CACNA1G: variants seen among roughly 807,000 people sequenced by gnomAD.
The protein encoded by CACNA1G is voltage-dependent T-type calcium channel subunit alpha-1G.
A neutral mutation model predicts 219.4 loss-of-function variants in CACNA1G; 67 were observed. That is an observed-to-expected ratio of 0.31 (90% CI 0.25 to 0.37). The LOEUF is 0.37. Ranked by LOEUF, CACNA1G falls within the 10% of genes least tolerant of loss-of-function variation. The probability of loss-of-function intolerance (pLI) is 1.00; values close to 1 mark genes in which losing one functional copy is unlikely to be tolerated. For missense variants in CACNA1G, 2,380 were observed against 3,231.4 expected, an observed-to-expected ratio of 0.74 and a Z score of 6.39; for synonymous variants, 1,296 against 1,345.3, an observed-to-expected ratio of 0.96 and a Z score of 0.80.
chr17:50,604,123 A>G, intron 21 of CACNA1G, 32 bp from the exon 22 acceptor site: 1 of 1,604,422 alleles, frequency 6.2e-7, no homozygotes, highest in Non-Finnish European at 8.5e-7. Context: ...GGCTGGGGGA[A>G]GCCTTATCAC....
In CACNA1G at chr17:50,604,232, T is replaced by C; in HGVS notation, c.4247T>C (p.Val1416Ala). Residue 1416 changes from valine (V) to alanine (A), a missense_variant, in exon 22 of 38, where the codon GTA becomes GCA. This residue lies in a region of CACNA1G where 153 missense variants were observed against 374.9 expected (regional missense o/e 0.41). Coordinates refer to ENST00000359106, the MANE Select transcript of CACNA1G (RefSeq NM_018896.5). ...MSSLKPIGNI[V>A]VICCAFFIIF... ...TCACTGAAACCCATCGGCAACATTG[T>C]AGTCATCTGCTGTGCCTTCTTCATC... The C allele has an allele frequency of 1.2e-6, 2 of 1,613,842 alleles. No individual in the cohort carries two copies. Among genetic ancestry groups the C allele is most frequent in the Non-Finnish European group, 1.7e-6 (2 of 1,179,768 alleles).
At chr17:50,616,414 T>A in intron 28 of CACNA1G, 30 bp downstream of exon 28, 1 of 1,309,356 alleles carries the variant, frequency 7.6e-7, no homozygotes, top group Middle Eastern at 1.8e-4. Context: ...TCTTGGGGAC[T>A]TGCGTAGAGA....
At chr17:50,587,514 C>T (rs989295856) in intron 9 of CACNA1G, among the ~76,000 whole-genome samples, 4 of 152,228 alleles carry the variant, frequency 2.6e-5, no homozygotes, top group African/African-American at 7.2e-5. Context: ...AGATCGTTCC[C>T]AGCCTCCAAT....
Position 50,624,733 on chromosome 17 carries a change from G to T in CACNA1G, c.6399+204G>T, listed in dbSNP as rs12601390. On this transcript the variant is annotated intron_variant, in intron 37 of 37. Transcript: ENST00000359106. ...TCTTGAAATTTGCACCCAGTTCCTT[G>T]TTCCACTGAGGAGGCCTGGAGACCA... Among the ~76,000 whole-genome samples the T allele has an allele frequency of 0.05, 7,676 of 152,306 alleles. 294 individuals carry two copies. Among genetic ancestry groups the T allele is most frequent in the African/African-American group, 0.096 (3,987 of 41,566 alleles).
chr17:50,589,918 G>C (rs35883185), intron 9 of CACNA1G, among the ~76,000 whole-genome samples: 3,967 of 80,980 alleles, frequency 0.049, 73 homozygotes, highest in South Asian at 0.19. Flanking sequence ...CTCTCTGTGT[G>C]TGTGTGTGTG....
intron 13 of CACNA1G, 45 bp from the exon 14 acceptor site, chr17:50,594,948 C>T (rs757845900): frequency 1.5e-5 from 22 of 1,464,876 alleles, no homozygotes; most frequent in Middle Eastern, 3.4e-4. Context: ...AGGCCCCGAG[C>T]GCCTGTGACC....
chr17:50,624,606 T>G, intron 37 of CACNA1G, 77 bp downstream of exon 37: 1 of 1,317,576 alleles, frequency 7.6e-7, no homozygotes, highest in African/African-American at 1.5e-5. Flanking sequence ...TGTTGACACT[T>G]TCATTCTTCC....
chr17:50,599,380 G>A lies in CACNA1G; in HGVS notation c.3259-48G>A, dbSNP rs764230685. The A allele has an allele frequency of 4.1e-6, 6 of 1,470,656 alleles. No homozygotes were observed. In the East Asian group the frequency reaches 1.5e-4, roughly 36 times the overall value. The allele number at this position is 1,470,656 out of a possible 1,614,324, so 91.1% of individuals were successfully genotyped here. A position where few individuals can be genotyped will look rare whatever the true frequency, so the allele number is the denominator to read the frequency against. Reference sequence around the variant, plus strand: ...GAGACCGGGTGCACATGAGAGGACAGGGCTGCTGGGCCCTGCCTGAGACCA... The same window carrying A: ...GAGACCGGGTGCACATGAGAGGACAAGGCTGCTGGGCCCTGCCTGAGACCA... On this transcript the variant is annotated intron_variant, in intron 16 of 37. Transcript: ENST00000359106.
intron 25 of CACNA1G, among the ~76,000 whole-genome samples, chr17:50,609,574 T>C (rs1294576583): frequency 6.6e-6 from 1 of 152,134 alleles, no homozygotes; most frequent in Non-Finnish European, 1.5e-5. Flanking sequence ...CTGGGGTCTG[T>C]AGCTGTCTCA....
At chr17:50,595,695 G>A (rs868101184) in intron 14 of CACNA1G, among the ~76,000 whole-genome samples, 51 of 152,278 alleles carry the variant, frequency 3.3e-4, no homozygotes, top group African/African-American at 1.2e-3. Flanking sequence ...GTGCTCTGCT[G>A]TTCCCTGCCC....
chr17:50,566,896 G>A (rs1365747440), intron 1 of CACNA1G, among the ~76,000 whole-genome samples: 2 of 152,174 alleles, frequency 1.3e-5, no homozygotes, highest in African/African-American at 4.8e-5. Flanking sequence ...CCATTAGAGG[G>A]GTCCAAGCAG....
In CACNA1G at chr17:50,565,386, G is replaced by GGT. The variant is rs199747975; in HGVS notation, c.243-3484_243-3483insGT. On this transcript the variant is annotated intron_variant, in intron 1 of 37. Coordinates refer to ENST00000359106, the MANE Select transcript of CACNA1G (RefSeq NM_018896.5). ...CAGGGAAATAGGCTTGTGGGGTGGG[G>GGT]CGGGGGGTTCTGCTGGGGGAATCCC... is the stretch of plus-strand genomic sequence containing the variant. 2.4e-4 allele frequency among the ~76,000 whole-genome samples: 35 copies of GGT among 143,276 alleles called. 2 individuals carry two copies. In the East Asian group the frequency reaches 7.3e-3, roughly 30 times the overall value. 94.0% of individuals were successfully genotyped at this position (143,276 alleles called of 152,430 possible).
chr17:50,588,242 C>G (rs1443049390), intron 9 of CACNA1G, among the ~76,000 whole-genome samples: 2 of 152,088 alleles, frequency 1.3e-5, no homozygotes, highest in African/African-American at 4.8e-5. Context: ...TATCTGGATT[C>G]ACAAGCCCCT....
chr17:50,622,166 T>TCCCCCCCCCTCCCCCCCCCCCCCCCCC (rs1598808735), intron 35 of CACNA1G, among the ~76,000 whole-genome samples: 2 of 132,920 alleles, frequency 1.5e-5, no homozygotes, highest in Non-Finnish European at 3.2e-5. Flanking sequence ...CTGTGCCTGT[T>TCCCCCCCCCTCCCCCCCCCCCCCCCCC]CCCCTCCTCC....
chr17:50,590,050 C>T (rs1039334705), intron 9 of CACNA1G, among the ~76,000 whole-genome samples: 1 of 152,032 alleles, frequency 6.6e-6, no homozygotes, highest in Non-Finnish European at 1.5e-5. Flanking sequence ...GCTTGACGAC[C>T]GGGTGTGCCT....
intron 2 of CACNA1G, 31 bp downstream of exon 2, chr17:50,569,012 GTGTT>G: frequency 1.4e-6 from 2 of 1,445,692 alleles, no homozygotes. Context: ...GTGTGTGTGT[GTGTT>G]GTGTGTGTTG....
In CACNA1G at chr17:50,576,888, G is replaced by T. The variant is rs139936831; in HGVS notation, c.1924+562G>T. Among the ~76,000 whole-genome samples the T allele has an allele frequency of 3.3e-5, 5 of 152,342 alleles. No individual in the cohort carries two copies. The East Asian group carries it at 5.8e-4, about 18-fold the overall frequency. On this transcript the variant is annotated intron_variant, in intron 8 of 37. Coordinates refer to ENST00000359106, the MANE Select transcript of CACNA1G (RefSeq NM_018896.5). ...ACCTGAGTCTCATTGCCTCCGCACA[G>T]GGAGACCCAGTTCAGGGAGCTGCTT...
At chr17:50,569,636 C>T (rs1289795930) in intron 3 of CACNA1G, 70 bp from the exon 4 acceptor site, 5 of 1,087,068 alleles carry the variant, frequency 4.6e-6, no homozygotes, top group Non-Finnish European at 6.8e-6. Context: ...AGCAGGATTC[C>T]TCATTGACCT....
At position 50,621,053 on chromosome 17, in the gene CACNA1G, A is replaced by G. The variant is rs1324106755; in HGVS notation, c.5926-607A>G. Among the ~76,000 whole-genome samples the G allele has an allele frequency of 6.6e-6, 1 of 152,174 alleles. No homozygotes were observed. Among genetic ancestry groups the G allele is most frequent in the Non-Finnish European group, 1.5e-5 (1 of 68,032 alleles). On this transcript the variant is annotated intron_variant, in intron 34 of 37. Transcript: ENST00000359106. The surrounding 1 kb of genome is among the most constrained non-coding windows in gnomAD (Gnocchi z 4.6). ...ACGGGAGAACATCTCCCAGAGCCCA[A>G]GTTGGAGAGGGCGGGCGGGCTGCAG...
Sources: allele counts gnomAD v4.1 joint callset (sites outside exome capture counted in the v4.1 genomes callset), GRCh38; gene constraint gnomAD v4.1.1; regional missense constraint gnomAD v4.1.1; non-coding constraint Gnocchi (gnomAD v3.1); transcripts MANE v1.5; gene names NCBI Gene and HGNC (gene_info 2026-07-23, HGNC 2026-07-21).